The following RASA3 variants were observed in gnomAD, a reference collection of about 807,000 sequenced individuals.
RASA3 encodes the protein RAS p21 protein activator 3.
A neutral mutation model predicts 110.0 loss-of-function variants in RASA3; 73 were observed. That is an observed-to-expected ratio of 0.66 (90% confidence interval 0.55 to 0.81). The LOEUF is 0.81. Ranked by LOEUF, RASA3 falls within the 30% of genes least tolerant of loss-of-function variation. The pLI is 0.00. For synonymous variants in RASA3, 500 were observed against 451.4 expected, an observed-to-expected ratio of 1.11 and a Z score of -1.37; for missense variants, 976 against 1,113.2, an observed-to-expected ratio of 0.88 and a Z score of 1.75.
chr13:114,103,555 C>T (rs2080087243), intron 1 of RASA3, among the ~76,000 whole-genome samples: 1 of 126,920 alleles, frequency 7.9e-6, no homozygotes, highest in Non-Finnish European at 1.7e-5. Flanking sequence ...GCCACAGACA[C>T]CCACCCCCGA....
intron 6 of RASA3, 41 bp from the exon 7 acceptor site, chr13:114,027,502 G>A (rs749160693): frequency 2.0e-6 from 3 of 1,474,672 alleles, no homozygotes; most frequent in Admixed American, 3.4e-5. Flanking sequence ...AAACAACACT[G>A]CTGATTCCAA....
chr13:113,996,847 C>T (rs748331268), intron 20 of RASA3, 108 bp from the exon 21 acceptor site: 271 of 1,000,074 alleles, frequency 2.7e-4, no homozygotes, highest in Admixed American at 9.6e-4. Context: ...TAAGAGGGGA[C>T]GCTGAGGGTG....
intron 1 of RASA3, among the ~76,000 whole-genome samples, chr13:114,093,366 G>C (rs1472955139): frequency 6.6e-6 from 1 of 152,162 alleles, no homozygotes; most frequent in Non-Finnish European, 1.5e-5. Flanking sequence ...TTTTCCTTTA[G>C]CACTCTGAAT....
intron 2 of RASA3, among the ~76,000 whole-genome samples, chr13:114,072,508 G>A (rs1226321603): frequency 6.6e-6 from 1 of 152,234 alleles, no homozygotes; most frequent in African/African-American, 2.4e-5. Context: ...TACAGGAAGA[G>A]AAAAGCTTTC....
intron 4 of RASA3, among the ~76,000 whole-genome samples, chr13:114,033,999 G>T (rs2054232005): frequency 6.6e-6 from 1 of 152,258 alleles, no homozygotes; most frequent in Non-Finnish European, 1.5e-5. Flanking sequence ...GCTGAGCGGA[G>T]TATCGCCTGT....
intron 3 of RASA3, among the ~76,000 whole-genome samples, chr13:114,043,460 G>C (rs2139485874): frequency 1.3e-5 from 2 of 152,198 alleles, no homozygotes; most frequent in South Asian, 2.1e-4. Flanking sequence ...CCCAGCTCCG[G>C]GACCCCCGCT....
At chr13:114,068,887 C>T (rs911719587) in intron 2 of RASA3, among the ~76,000 whole-genome samples, 18 of 152,222 alleles carry the variant, frequency 1.2e-4, no homozygotes, top group Non-Finnish European at 2.9e-5. Flanking sequence ...AATGTGTCCA[C>T]TTCGATGCGT....
chr13:114,077,338 G>GATTC (rs1472329695), intron 1 of RASA3, among the ~76,000 whole-genome samples: 1 of 150,556 alleles, frequency 6.6e-6, no homozygotes, highest in Non-Finnish European at 1.5e-5. Flanking sequence ...CAACGCACCA[G>GATTC]GTTCCTCCAT....
intron 11 of RASA3, 63 bp from the exon 12 acceptor site, chr13:114,017,414 A>G: frequency 7.4e-7 from 1 of 1,347,184 alleles, no homozygotes; most frequent in Non-Finnish European, 1.0e-6. Context: ...GACGGAGCAG[A>G]GCCTGGCCCC....
At chr13:114,102,620 C>T (rs1040611887) in intron 1 of RASA3, among the ~76,000 whole-genome samples, 5 of 152,184 alleles carry the variant, frequency 3.3e-5, no homozygotes, top group South Asian at 2.1e-4. Context: ...AGGCCCAGGG[C>T]GGTGAGCAGG....
chr13:114,036,939 C>T (rs201123226), intron 4 of RASA3, among the ~76,000 whole-genome samples: 6 of 152,314 alleles, frequency 3.9e-5, no homozygotes, highest in Admixed American at 2.0e-4. Flanking sequence ...AGTGAAGCAA[C>T]GCATTGGAGA....
chr13:114,024,403 CG>C (rs759210926), intron 7 of RASA3, 48 bp from the exon 8 acceptor site: 2 of 1,575,202 alleles, frequency 1.3e-6, no homozygotes, highest in East Asian at 2.2e-5. Context: ...TGCCACCAGG[CG>C]GGGGTATATG....
At chr13:114,106,780 C>T (rs761681930) in intron 1 of RASA3, among the ~76,000 whole-genome samples, 4 of 152,238 alleles carry the variant, frequency 2.6e-5, no homozygotes, top group Non-Finnish European at 4.4e-5. Flanking sequence ...ACCTGTCCAT[C>T]CTCCAGGCAC....
intron 21 of RASA3, among the ~76,000 whole-genome samples, chr13:113,995,620 G>A (rs1482933370): frequency 6.7e-6 from 1 of 150,178 alleles, no homozygotes; most frequent in African/African-American, 2.4e-5. Context: ...CCCTGCTGAT[G>A]GGGGGCCTGA....
chr13:114,029,962 A>C (rs1348640756), intron 4 of RASA3, 75 bp from the exon 5 acceptor site: 1 of 1,409,558 alleles, frequency 7.1e-7, no homozygotes, highest in South Asian at 1.2e-5. Context: ...GCGCCCAGGG[A>C]AAGCCTAGAG....
Position 114,096,461 on chromosome 13 carries a change from C to T in RASA3, c.56-22624G>A, listed in dbSNP as rs1024116258. Among the ~76,000 whole-genome samples the T allele has an allele frequency of 2.0e-5, 3 of 152,120 alleles. No homozygotes were observed. Among genetic ancestry groups the T allele is most frequent in the Non-Finnish European group, 4.4e-5 (3 of 68,012 alleles). ...CCTGCCTGAAGCCACCTTCTCATAG[C>T]GCTCAGTACTGGGGACCCTGGCCGG... On this transcript the variant is annotated intron_variant, in intron 1 of 23. Transcript: ENST00000334062. This position sits in a 1 kb window ranked among gnomAD's most constrained non-coding sequence, Gnocchi z 5.1.
At chr13:114,106,192 CTGTG>C (rs1374184078) in intron 1 of RASA3, among the ~76,000 whole-genome samples, 1 of 152,206 alleles carries the variant, frequency 6.6e-6, no homozygotes, top group Non-Finnish European at 1.5e-5. Flanking sequence ...TTAATGTTTC[CTGTG>C]TGTGTTTACA....
At chr13:114,063,216 A>G (rs1342487927) in intron 2 of RASA3, among the ~76,000 whole-genome samples, 1 of 152,144 alleles carries the variant, frequency 6.6e-6, no homozygotes, top group Admixed American at 6.5e-5. Context: ...ACGTAAAAAA[A>G]TCAGAAAGTG....
At chr13:114,030,363 G>GACTCACACA (rs1274936315) in intron 4 of RASA3, among the ~76,000 whole-genome samples, 88 of 149,866 alleles carry the variant, frequency 5.9e-4, no homozygotes, top group African/African-American at 2.2e-3. Flanking sequence ...CAGAGGGCAA[G>GACTCACACA]GCTCACACAG....
Sources: allele counts gnomAD v4.1 joint callset (sites outside exome capture counted in the v4.1 genomes callset), GRCh38; gene constraint gnomAD v4.1.1; non-coding constraint Gnocchi (gnomAD v3.1); transcripts MANE v1.5; gene names NCBI Gene and HGNC (gene_info 2026-07-23, HGNC 2026-07-21).